WDR27: variants seen among roughly 807,000 people sequenced by gnomAD.
WDR27 encodes the protein WD repeat-containing protein 27.
A neutral mutation model predicts 114.4 loss-of-function variants in WDR27; 100 were observed. The ratio of observed to expected loss-of-function variants is 0.87; its 90% confidence interval spans 0.74 to 1.03. WDR27 has a LOEUF of 1.03. WDR27 is among the 50% of genes least tolerant of loss of function. The pLI is 0.00. For missense variants in WDR27, 1,129 were observed against 1,092.9 expected (o/e 1.03, Z -0.47); for synonymous variants, 449 against 423.1 (o/e 1.06, Z -0.75).
downstream of WDR27, among the ~76,000 whole-genome samples, chr6:169,453,145 A>G (rs1269746387): frequency 2.0e-5 from 3 of 152,234 alleles, no homozygotes; most frequent in Non-Finnish European, 2.9e-5. Flanking sequence ...TCTCATGACT[A>G]TAGCACAAAC....
At chr6:169,477,412 A>G (rs963604566) in intron 25 of WDR27, among the ~76,000 whole-genome samples, 3 of 152,172 alleles carry the variant, frequency 2.0e-5, no homozygotes, top group Admixed American at 6.5e-5. Context: ...CTGCTTGGAA[A>G]ACAGTTTGGC....
At chr6:169,466,734 T>C (rs1202225160) in intron 25 of WDR27, among the ~76,000 whole-genome samples, 1 of 152,114 alleles carries the variant, frequency 6.6e-6, no homozygotes, top group Admixed American at 6.5e-5. Context: ...TAAGATGAGA[T>C]TTGGGTGGAG....
At chr6:169,513,865 G>A (rs192177262) in intron 25 of WDR27, among the ~76,000 whole-genome samples, 75 of 152,240 alleles carry the variant, frequency 4.9e-4, no homozygotes, top group African/African-American at 1.7e-3. Context: ...TGTCTCTGCT[G>A]TCATTACTCA....
At chr6:169,668,482 T>C in intron 4 of WDR27, 1 of 335,460 alleles carries the variant, frequency 3.0e-6, no homozygotes, top group Non-Finnish European at 5.6e-6. Flanking sequence ...GTTCTCCACC[T>C]AGGGCTTCCT....
At position 169,582,885 on chromosome 6, in the gene WDR27, C is replaced by T; in HGVS notation, c.2474G>A (p.Gly825Glu). 3 of 1,613,906 alleles carry T rather than the reference C, an allele frequency of 1.9e-6. No homozygotes were observed. The highest frequency in any genetic ancestry group is 2.5e-6 in the Non-Finnish European group (3 of 1,179,880). ...GSSTFSHRLA[G>E]HTDTVTGVAF... ...CACTCCAGTGACAGTGTCTGTGTGCCCAGCCAGCCGGTGAGAAAACGTGCT... is the reference window on the plus strand; with the variant it reads ...CACTCCAGTGACAGTGTCTGTGTGCTCAGCCAGCCGGTGAGAAAACGTGCT... The change falls in exon 24 of 26, where the codon GGG becomes GAG. Residue 825 changes from glycine to glutamate, a missense_variant. Transcript: ENST00000448612.
At position 169,659,269 on chromosome 6, in the gene WDR27, C is replaced by T; in HGVS notation, c.1198-62G>A. 1 of 1,556,984 alleles carries T rather than the reference C, an allele frequency of 6.4e-7. No individual in the cohort carries two copies. Among genetic ancestry groups the T allele is most frequent in the Non-Finnish European group, 8.7e-7 (1 of 1,149,298 alleles). ...ACCCAGTAAAAGCAGACGAAACGTG[C>T]ATCCGCACACGTATCCTAACAGCTG... On this transcript the variant is annotated intron_variant, in intron 11 of 25. Coordinates refer to ENST00000448612, the MANE Select transcript of WDR27 (RefSeq NM_182552.5). This position sits in a 1 kb window ranked among gnomAD's most constrained non-coding sequence, Gnocchi z 4.3.
intron 23 of WDR27, among the ~76,000 whole-genome samples, chr6:169,588,285 T>G (rs2128149859): frequency 6.6e-6 from 1 of 152,368 alleles, no homozygotes; most frequent in South Asian, 2.1e-4. Context: ...TTTGTTTATA[T>G]TTCTCTTGAC....
the WDR27 span, among the ~76,000 whole-genome samples, chr6:169,435,426 C>A: frequency 0.016 from 2,465 of 152,330 alleles, 33 homozygotes; most frequent in Non-Finnish European, 0.025. Flanking sequence ...AAGCCACAAA[C>A]ACTCAATGCC....
At chr6:169,671,224 G>A (rs1055216130) in intron 3 of WDR27, 74 of 154,994 alleles carry the variant, frequency 4.8e-4, no homozygotes, top group African/African-American at 1.6e-3. Flanking sequence ...AGAAAAAATG[G>A]CAGGCAAGGT....
intron 25 of WDR27, among the ~76,000 whole-genome samples, chr6:169,501,582 G>A (rs1036259807): frequency 1.3e-5 from 2 of 152,238 alleles, no homozygotes; most frequent in African/African-American, 2.4e-5. Flanking sequence ...TGAACCAGCA[G>A]TAGCTAAAAT....
intron 25 of WDR27, among the ~76,000 whole-genome samples, chr6:169,524,945 G>A (rs769186322): frequency 6.6e-6 from 1 of 152,066 alleles, no homozygotes; most frequent in Non-Finnish European, 1.5e-5. Flanking sequence ...AAGACATCAA[G>A]GTAGAAAGCT....
intron 24 of WDR27, among the ~76,000 whole-genome samples, chr6:169,573,586 G>A (rs542277914): frequency 3.3e-5 from 5 of 152,338 alleles, no homozygotes; most frequent in East Asian, 1.9e-4. Flanking sequence ...CATGTAGACC[G>A]AGGGATGACT....
At chr6:169,639,649 G>A (rs1224186266) in intron 17 of WDR27, among the ~76,000 whole-genome samples, 1 of 152,094 alleles carries the variant, frequency 6.6e-6, no homozygotes, top group Non-Finnish European at 1.5e-5. Context: ...TTAAACTAAG[G>A]TAGGCGATGA....
At chr6:169,665,607 T>A (rs1434810428) in intron 6 of WDR27, 51 bp from the exon 7 acceptor site, 18 of 1,548,708 alleles carry the variant, frequency 1.2e-5, no homozygotes, top group Non-Finnish European at 1.4e-5. Flanking sequence ...CTGGTACCAA[T>A]TAACCCGAGA....
intron 25 of WDR27, among the ~76,000 whole-genome samples, chr6:169,486,923 G>A (rs1450882535): frequency 6.6e-6 from 1 of 152,200 alleles, no homozygotes; most frequent in Non-Finnish European, 1.5e-5. Flanking sequence ...TAAAAATAGT[G>A]ACTTTTCTCT....
intron 1 of WDR27, among the ~76,000 whole-genome samples, chr6:169,689,824 T>C (rs1164287842): frequency 3.3e-5 from 5 of 152,196 alleles, no homozygotes; most frequent in Non-Finnish European, 5.9e-5. Context: ...AAATATCCAG[T>C]GGGGTCATGC....
At chr6:169,487,604 C>T (rs1789111073) in intron 25 of WDR27, among the ~76,000 whole-genome samples, 1 of 152,136 alleles carries the variant, frequency 6.6e-6, no homozygotes, top group South Asian at 2.1e-4. Context: ...GAGCCTCCCT[C>T]TAATAAAAAT....
At chr6:169,652,890 C>A (rs1372592279) in intron 13 of WDR27, among the ~76,000 whole-genome samples, 1 of 152,186 alleles carries the variant, frequency 6.6e-6, no homozygotes, top group Non-Finnish European at 1.5e-5. Context: ...AACGAGATGA[C>A]CCTTGTTGAC....
chr6:169,481,632 A>C (rs538783110), intron 25 of WDR27, among the ~76,000 whole-genome samples: 1 of 152,114 alleles, frequency 6.6e-6, no homozygotes, highest in African/African-American at 2.4e-5. Flanking sequence ...CTCCAGACGC[A>C]CTGCCTTTAT....
Sources: gnomAD v4.1 joint callset for allele counts (sites outside exome capture counted in the v4.1 genomes callset) on GRCh38, gnomAD v4.1.1 for gene constraint, Gnocchi (gnomAD v3.1) non-coding constraint, MANE v1.5 for transcripts, NCBI Gene and HGNC (gene_info 2026-07-23, HGNC 2026-07-21) for gene names.